The following SYNE2 variants were observed in gnomAD, a reference collection of about 807,000 sequenced individuals.
SYNE2 encodes the protein nesprin-2.
In SYNE2, 431 loss-of-function variants were observed where a neutral mutation model predicts 856.3. That is an observed-to-expected ratio of 0.50 (90% CI 0.47 to 0.55). The LOEUF (loss-of-function observed/expected upper bound fraction) is 0.55, where lower values mean the gene tolerates loss of function less well. Ranked by LOEUF, SYNE2 falls within the 20% of genes least tolerant of loss-of-function variation. The pLI, the probability that SYNE2 is intolerant of heterozygous loss-of-function variation, is 0.00. For synonymous variants in SYNE2, 2,923 were observed against 2,872.3 expected (o/e 1.02, Z -0.56); for missense variants, 8,129 against 8,023.2 (o/e 1.01, Z -0.50).
At chr14:64,077,609 T>G (rs984928936) in intron 54 of SYNE2, among the ~76,000 whole-genome samples, 1 of 148,136 alleles carries the variant, frequency 6.8e-6, no homozygotes, top group South Asian at 2.2e-4. Context: ...AGGATGATTT[T>G]AGTCTCAATG....
chr14:64,130,909 G>C (rs532272544), intron 76 of SYNE2, among the ~76,000 whole-genome samples: 1 of 151,356 alleles, frequency 6.6e-6, no homozygotes, highest in South Asian at 2.1e-4. Flanking sequence ...AGAAGAAAAG[G>C]CTTTCCTGAG....
chr14:64,080,265 G>A (rs137936236), intron 55 of SYNE2, among the ~76,000 whole-genome samples, 191 bp from the exon 56 acceptor site: 105 of 152,276 alleles, frequency 6.9e-4, no homozygotes, highest in Middle Eastern at 3.4e-3. Context: ...GTTGTAGTTA[G>A]GAGAGCTCAG....
chr14:63,857,566 A>G (rs1003287189), intron 1 of SYNE2, among the ~76,000 whole-genome samples: 1 of 152,198 alleles, frequency 6.6e-6, no homozygotes, highest in Non-Finnish European at 1.5e-5. Flanking sequence ...CAAAGTGGTT[A>G]TATAATATAA....
intron 8 of SYNE2, 49 bp from the exon 9 acceptor site, chr14:63,961,476 A>AT (rs2096313494): frequency 1.4e-6 from 2 of 1,477,444 alleles, no homozygotes; most frequent in South Asian, 2.3e-5. Flanking sequence ...TTGAGTATTC[A>AT]TTATAGTAAA....
At position 64,080,548 on chromosome 14, in the gene SYNE2, T is replaced by C; in HGVS notation, c.11256T>C (p.Ala3752=). ...TTGTTGAACAGGACCCAGGACAGGC[T>C]CAAGAATGGATGGATAACTTGATGA... ...QDIVEQDPGQ[A]QEWMDNLMIP... Residue 3752 remains alanine, a synonymous_variant, in exon 56 of 116, where the codon GCT becomes GCC. Coordinates refer to ENST00000555002, the MANE Select transcript of SYNE2 (RefSeq NM_182914.3). 6.2e-7 allele frequency: 1 copy of C among 1,614,174 alleles called. No individual in the cohort carries two copies. Among genetic ancestry groups the C allele is most frequent in the East Asian group, 2.2e-5 (1 of 44,888 alleles).
At chr14:63,787,697 T>C (rs1887588409) in intron 1 of SYNE2, among the ~76,000 whole-genome samples, 1 of 152,184 alleles carries the variant, frequency 6.6e-6, no homozygotes, top group Admixed American at 6.5e-5. Context: ...TCTGCCCTGC[T>C]CTGGCTGAGT....
chr14:64,040,253 C>T (rs1043853440), intron 45 of SYNE2, among the ~76,000 whole-genome samples: 1 of 152,016 alleles, frequency 6.6e-6, no homozygotes, highest in African/African-American at 2.4e-5. Flanking sequence ...GAGTACTCAT[C>T]ACATCAAATG....
rs1178542972 is a variant in SYNE2, at chr14:63,981,042, A to G, written c.1705A>G (p.Met569Val). 9 of 1,580,452 alleles carry G rather than the reference A, an allele frequency of 5.7e-6. No homozygotes were observed. The highest frequency in any genetic ancestry group is 2.7e-5 in the African/African-American group (2 of 74,142). Residue 569 changes from methionine to valine, a missense_variant, in exon 16 of 116, where the codon ATG becomes GTG. Coordinates refer to ENST00000555002, the MANE Select transcript of SYNE2 (RefSeq NM_182914.3). ...TATGATGGTGAAATCTGATGTTTGTATGTATAGAAAAAATATATATAATGT... is the reference window on the plus strand; with the variant it reads ...TATGATGGTGAAATCTGATGTTTGTGTGTATAGAAAAAATATATATAATGT... ...QYMMVKSDVC[M>V]YRKNIYNVKS...
intron 1 of SYNE2, among the ~76,000 whole-genome samples, chr14:63,820,085 C>T (rs1012141666): frequency 3.3e-5 from 5 of 151,210 alleles, no homozygotes; most frequent in Non-Finnish European, 7.4e-5. Flanking sequence ...TAACTGAAGA[C>T]CATAACATTT....
chr14:63,943,947 G>A (rs2095971600), intron 6 of SYNE2, among the ~76,000 whole-genome samples: 1 of 152,034 alleles, frequency 6.6e-6, no homozygotes, highest in Admixed American at 6.5e-5. Context: ...GGGATTACAG[G>A]TGTGAGCCAG....
At position 64,221,617 on chromosome 14, in the gene SYNE2, G is replaced by A. The variant is rs75079588; in HGVS notation, c.20103G>A (p.Ala6701=). 9.4e-4 allele frequency: 1,525 copies of A among 1,614,078 alleles called. 13 individuals carry two copies. The African/African-American group carries it at 0.018, about 19-fold the overall frequency. The change falls in exon 112 of 116, where the codon GCG becomes GCA. Residue 6701 remains alanine, a synonymous_variant. Transcript: ENST00000555002. ...GTCAAAATCTGCTGCTGTGGTTAGC[G>A]AGTGCCAAGAACCGGAGGCAGAAGG... ...QLSQNLLLWL[A]SAKNRRQKAH...
At chr14:63,894,172 ACTTTTT>A (rs1381452398) in intron 1 of SYNE2, among the ~76,000 whole-genome samples, 2 of 149,792 alleles carry the variant, frequency 1.3e-5, no homozygotes, top group African/African-American at 2.4e-5. Flanking sequence ...TTTAAGATGG[ACTTTTT>A]CTTTTTAATG....
At position 63,775,173 on chromosome 14, in the gene SYNE2, G is replaced by A. The variant is rs144667231; in HGVS notation, c.-305+13187G>A. 3.8e-3 allele frequency among the ~76,000 whole-genome samples: 577 copies of A among 151,860 alleles called. 1 individual carries two copies. Among genetic ancestry groups the A allele is most frequent in the Non-Finnish European group, 6.2e-3 (418 of 67,936 alleles). On this transcript the variant is annotated intron_variant, in intron 1 of 23. Coordinates refer to the SYNE2 transcript ENST00000674003. ...GTATTTTTAGTAGAGATGGGGTTTCGCCATGTTGGTCTGGCTGGACTCAAA... is the reference window on the plus strand; with the variant it reads ...GTATTTTTAGTAGAGATGGGGTTTCACCATGTTGGTCTGGCTGGACTCAAA...
At position 63,948,673 on chromosome 14, in the gene SYNE2, A is replaced by T. The variant is rs1352890114; in HGVS notation, c.409-1152A>T. 3.3e-4 allele frequency among the ~76,000 whole-genome samples: 39 copies of T among 119,420 alleles called. 2 individuals are homozygous for T. Among genetic ancestry groups the T allele is most frequent in the African/African-American group, 1.2e-3 (35 of 28,930 alleles). 78.3% of individuals were successfully genotyped at this position (119,420 alleles called of 152,430 possible). A position where few individuals can be genotyped will look rare whatever the true frequency, so the allele number is the denominator to read the frequency against. The stretch of plus-strand genomic sequence containing the variant: ...GAGACTCCATCTCAAAAAAAAAAAA[A>T]TTATATATATATGTGTGTATATATA... On this transcript the variant is annotated intron_variant, in intron 6 of 115. Transcript: ENST00000555002.
chr14:64,180,117 A>G (rs1224419839), intron 96 of SYNE2, among the ~76,000 whole-genome samples: 3 of 152,336 alleles, frequency 2.0e-5, no homozygotes, highest in South Asian at 2.1e-4. Context: ...CTTGGTGCCT[A>G]TTTATTGTCT....
At chr14:63,964,501 TTTTTA>T (rs2096364133) in intron 10 of SYNE2, among the ~76,000 whole-genome samples, 1 of 152,170 alleles carries the variant, frequency 6.6e-6, no homozygotes, top group Admixed American at 6.5e-5. Flanking sequence ...CAGAACATGC[TTTTTA>T]TTTTATTTTT....
chr14:63,808,210 G>A (rs1888459803), intron 1 of SYNE2, among the ~76,000 whole-genome samples: 1 of 146,906 alleles, frequency 6.8e-6, no homozygotes, highest in South Asian at 2.3e-4. Flanking sequence ...TTACAGGTGT[G>A]AGCCACTGCA....
In SYNE2 at chr14:64,225,047, T is replaced by C; in HGVS notation, c.20516+2T>C. 1 of 1,613,928 alleles carries C rather than the reference T, an allele frequency of 6.2e-7. No homozygotes were observed. On this transcript the variant is annotated splice_donor_variant, in intron 115 of 115. Transcript: ENST00000555002. LOFTEE classifies it high-confidence loss of function. ...AGGCGAGGAGGAGACAGAGAGCAGG[T>C]AACGGGGCTTTACCGTGACAGCAGT...
intron 1 of SYNE2, among the ~76,000 whole-genome samples, chr14:63,819,466 A>G (rs886530044): frequency 6.6e-6 from 1 of 151,562 alleles, no homozygotes; most frequent in Admixed American, 6.6e-5. Flanking sequence ...TCCTGACCTC[A>G]GGTGATCTAC....
Sources: allele counts gnomAD v4.1 joint callset (sites outside exome capture counted in the v4.1 genomes callset), GRCh38; gene constraint gnomAD v4.1.1; transcripts MANE v1.5; gene names NCBI Gene and HGNC (gene_info 2026-07-23, HGNC 2026-07-21).